The following MALRD1 variants were observed in gnomAD, a reference collection of about 807,000 sequenced individuals.
MALRD1 encodes MAM and LDL receptor class A domain containing 1.
MALRD1 carries 247 observed loss-of-function variants against 242.1 expected under a neutral mutation model. That is an observed-to-expected ratio of 1.02 (90% CI 0.92 to 1.13). The LOEUF is 1.13. Among genes scored for constraint, MALRD1 ranks in the 50% most tolerant of loss-of-function variants. The pLI is 0.00. For synonymous variants in MALRD1, 995 were observed against 866.6 expected (o/e 1.15, Z -2.60); for missense variants, 2,989 against 2,533.1 (o/e 1.18, Z -3.86).
At chr10:19,225,148 T>C (rs1837738693) in intron 18 of MALRD1, among the ~76,000 whole-genome samples, 1 of 152,146 alleles carries the variant, frequency 6.6e-6, no homozygotes. Flanking sequence ...GTTGTATATT[T>C]TATGGTACAA....
At chr10:19,608,853 T>C (rs1262031565) in intron 35 of MALRD1, among the ~76,000 whole-genome samples, 1 of 152,068 alleles carries the variant, frequency 6.6e-6, no homozygotes, top group Non-Finnish European at 1.5e-5. Flanking sequence ...CCCCATAAAA[T>C]GTGCAAAGAT....
At chr10:19,544,986 C>T (rs1170066355) in intron 32 of MALRD1, among the ~76,000 whole-genome samples, 1 of 152,132 alleles carries the variant, frequency 6.6e-6, no homozygotes, top group Non-Finnish European at 1.5e-5. Context: ...TAACAAGATA[C>T]CATGACTGGG....
chr10:19,394,131 G>A (rs1220365859), intron 28 of MALRD1, among the ~76,000 whole-genome samples: 3 of 152,178 alleles, frequency 2.0e-5, no homozygotes, highest in Non-Finnish European at 2.9e-5. Flanking sequence ...GAAAAATAAT[G>A]TGTTTCAGGA....
intron 29 of MALRD1, among the ~76,000 whole-genome samples, chr10:19,475,688 A>G (rs1836697042): frequency 6.6e-6 from 1 of 152,208 alleles, no homozygotes; most frequent in Non-Finnish European, 1.5e-5. Context: ...ACTTGTTTGT[A>G]TTCATTTTAT....
intron 33 of MALRD1, among the ~76,000 whole-genome samples, chr10:19,581,977 G>A (rs958688151): frequency 2.8e-4 from 42 of 152,140 alleles, no homozygotes; most frequent in African/African-American, 9.9e-4. Flanking sequence ...GCCAGTGATG[G>A]TGAGCATTTT....
chr10:19,601,684 A>G (rs1364629481), intron 34 of MALRD1, among the ~76,000 whole-genome samples: 1 of 152,034 alleles, frequency 6.6e-6, no homozygotes, highest in Non-Finnish European at 1.5e-5. Context: ...TTGTGAACTT[A>G]TAACACTTAT....
At chr10:19,231,557 C>T (rs1024512086) in intron 18 of MALRD1, among the ~76,000 whole-genome samples, 2 of 152,084 alleles carry the variant, frequency 1.3e-5, no homozygotes, top group African/African-American at 4.8e-5. Flanking sequence ...CCCTGCTGTT[C>T]TCGTGGTAGT....
At chr10:19,245,237 G>A (rs1838990826) in intron 18 of MALRD1, among the ~76,000 whole-genome samples, 1 of 152,226 alleles carries the variant, frequency 6.6e-6, no homozygotes, top group African/African-American at 2.4e-5. Flanking sequence ...TCTAGGTAAC[G>A]TGAGTTACTG....
At chr10:19,719,229 T>TACAC (rs1209706914) in intron 38 of MALRD1, among the ~76,000 whole-genome samples, 1 of 22,732 alleles carries the variant, frequency 4.4e-5, no homozygotes, top group African/African-American at 2.4e-4. Flanking sequence ...CATACATATA[T>TACAC]ATATATATAT....
intron 24 of MALRD1, among the ~76,000 whole-genome samples, chr10:19,332,073 C>T (rs1843397774): frequency 6.6e-6 from 1 of 151,886 alleles, no homozygotes; most frequent in Admixed American, 6.6e-5. Context: ...ACCATGTTGG[C>T]CAGGATGGTC....
At chr10:19,603,333 C>T (rs1838455163) in intron 34 of MALRD1, among the ~76,000 whole-genome samples, 2 of 152,140 alleles carry the variant, frequency 1.3e-5, no homozygotes. Flanking sequence ...TTAGGTCTAA[C>T]ATTTACGTCT....
At chr10:19,187,828 G>A (rs577352711) in intron 14 of MALRD1, among the ~76,000 whole-genome samples, 19 of 152,256 alleles carry the variant, frequency 1.2e-4, no homozygotes, top group Non-Finnish European at 5.9e-5. Flanking sequence ...GAGGTGGGTA[G>A]GTTTCAAAAC....
At chr10:19,079,099 GT>G (rs1835405068) in intron 2 of MALRD1, among the ~76,000 whole-genome samples, 1 of 150,892 alleles carries the variant, frequency 6.6e-6, no homozygotes, top group South Asian at 2.1e-4. Flanking sequence ...ATCTTTCCTT[GT>G]TTAAATTTAG....
intron 38 of MALRD1, among the ~76,000 whole-genome samples, chr10:19,725,441 G>A (rs996394138): frequency 2.6e-5 from 4 of 152,152 alleles, no homozygotes; most frequent in African/African-American, 9.7e-5. Context: ...GCCTCCCCAG[G>A]CCTGTGGAAC....
At position 19,595,449 on chromosome 10, in the gene MALRD1, T is replaced by A. The variant is rs1838043465; in HGVS notation, c.5936T>A (p.Leu1979His). 5.2e-6 allele frequency: 8 copies of A among 1,548,420 alleles called. No individual in the cohort carries two copies. The highest frequency in any genetic ancestry group is 7.0e-6 in the Non-Finnish European group (8 of 1,145,468). Residue 1979 changes from leucine (L) to histidine (H), a missense_variant, in exon 34 of 40, where the codon CTC becomes CAC. Coordinates refer to ENST00000454679, the MANE Select transcript of MALRD1 (RefSeq NM_001142308.3). ...GACTGCCACTTTAATGAAGATGAGC[T>A]CATCTGCTGTGAGTTATTTTCACTA... ...VPDCHFNEDE[L>H]ICSNKSCSNG...
intron 18 of MALRD1, among the ~76,000 whole-genome samples, chr10:19,251,673 A>G (rs538645158): frequency 6.6e-5 from 10 of 152,164 alleles, no homozygotes; most frequent in Admixed American, 2.0e-4. Context: ...TGTGCAAGGA[A>G]TGGCAAACCC....
intron 28 of MALRD1, among the ~76,000 whole-genome samples, chr10:19,442,240 C>T (rs991469480): frequency 5.3e-5 from 8 of 152,132 alleles, no homozygotes; most frequent in Admixed American, 1.3e-4. Flanking sequence ...GGGGCTGAGA[C>T]GATGGGGTTT....
In MALRD1 at chr10:19,566,993, A is replaced by T. The variant is rs550655054; in HGVS notation, c.5479-509A>T. Among the ~76,000 whole-genome samples the T allele has an allele frequency of 4.6e-5, 7 of 152,234 alleles. No homozygotes were observed. In the East Asian group the frequency reaches 1.2e-3, roughly 25 times the overall value. On this transcript the variant is annotated intron_variant, in intron 32 of 39. Transcript: ENST00000454679. ...TGCATTTGTTAGTCACTGAACTATT[A>T]AAAAAAGTGGTGAATATCAATGTTA...
intron 2 of MALRD1, among the ~76,000 whole-genome samples, chr10:19,074,189 C>T (rs1835246853): frequency 6.6e-6 from 1 of 151,994 alleles, no homozygotes. Context: ...CTTCCTATAC[C>T]CAAACTCCTT....
Sources: allele counts gnomAD v4.1 joint callset (sites outside exome capture counted in the v4.1 genomes callset), GRCh38; gene constraint gnomAD v4.1.1; transcripts MANE v1.5; gene names NCBI Gene and HGNC (gene_info 2026-07-23, HGNC 2026-07-21).